The following AMBRA1 variants were observed in gnomAD, a reference collection of about 807,000 sequenced individuals.
The protein encoded by AMBRA1 is activating molecule in BECN1-regulated autophagy protein 1.
In AMBRA1, 47 loss-of-function variants were observed where a neutral mutation model predicts 125.4. The observed-to-expected ratio is 0.37, with a 90% CI of 0.30 to 0.48. AMBRA1 has a LOEUF of 0.48. AMBRA1 is among the 20% of genes least tolerant of loss of function. AMBRA1 has a pLI of 0.99. For missense variants in AMBRA1, 1,331 were observed against 1,693.4 expected (o/e 0.79, Z 3.76); for synonymous variants, 626 against 655.5 (o/e 0.95, Z 0.69).
chr11:46,514,971 C>A (rs1951413322), intron 7 of AMBRA1, among the ~76,000 whole-genome samples: 1 of 152,152 alleles, frequency 6.6e-6, no homozygotes, highest in Non-Finnish European at 1.5e-5. Flanking sequence ...TATCATTTAA[C>A]AAACCAGTTC....
intron 7 of AMBRA1, 112 bp downstream of exon 7, chr11:46,541,833 C>A: frequency 7.2e-7 from 1 of 1,388,356 alleles, no homozygotes; most frequent in South Asian, 1.3e-5. Flanking sequence ...AGATCAGAAG[C>A]AGATGCGTGG....
At chr11:46,412,725 T>C (rs764785641) in intron 15 of AMBRA1, among the ~76,000 whole-genome samples, 3 of 152,188 alleles carry the variant, frequency 2.0e-5, no homozygotes, top group Non-Finnish European at 4.4e-5. Context: ...CAGCCATTTT[T>C]GTGGGGTTTG....
intron 7 of AMBRA1, among the ~76,000 whole-genome samples, chr11:46,523,389 C>T (rs923116842): frequency 1.3e-5 from 2 of 152,158 alleles, no homozygotes; most frequent in African/African-American, 4.8e-5. Flanking sequence ...TCATAAACGA[C>T]ACCTAAAGTA....
At chr11:46,401,449 C>G (rs1945755497) in intron 17 of AMBRA1, among the ~76,000 whole-genome samples, 1 of 152,184 alleles carries the variant, frequency 6.6e-6, no homozygotes, top group Non-Finnish European at 1.5e-5. Flanking sequence ...TCATGCTGGC[C>G]AGGCTGGTAT....
At chr11:46,513,639 C>A (rs902142560) in intron 7 of AMBRA1, among the ~76,000 whole-genome samples, 3 of 152,126 alleles carry the variant, frequency 2.0e-5, no homozygotes, top group Non-Finnish European at 2.9e-5. Flanking sequence ...TGTCTTAACT[C>A]CAAAATGCCT....
chr11:46,586,980 G>A (rs992261479), intron 1 of AMBRA1, among the ~76,000 whole-genome samples: 3 of 152,154 alleles, frequency 2.0e-5, no homozygotes, highest in Non-Finnish European at 4.4e-5. Context: ...CAAAATTTCA[G>A]ATGCTTCATT....
At chr11:46,518,961 C>T (rs1177772586) in intron 7 of AMBRA1, among the ~76,000 whole-genome samples, 2 of 152,228 alleles carry the variant, frequency 1.3e-5, no homozygotes, top group East Asian at 3.9e-4. Flanking sequence ...TCAAAGAAAG[C>T]TCTGGAAAAG....
intron 11 of AMBRA1, among the ~76,000 whole-genome samples, chr11:46,474,677 G>T (rs1196057733): frequency 2.0e-5 from 3 of 152,108 alleles, no homozygotes; most frequent in Non-Finnish European, 4.4e-5. Flanking sequence ...CGTAAGCCAC[G>T]GCACCTGGCC....
intron 7 of AMBRA1, among the ~76,000 whole-genome samples, chr11:46,541,517 C>T (rs1164386464): frequency 1.3e-5 from 2 of 152,064 alleles, no homozygotes; most frequent in African/African-American, 4.8e-5. Flanking sequence ...ATACAATCAG[C>T]GAAGAGCCAA....
chr11:46,593,903 G>A lies in AMBRA1; in HGVS notation c.-196C>T, dbSNP rs987432828. On this transcript the variant is annotated 5_prime_UTR_variant, in exon 1 of 18. Transcript: ENST00000683756. ...ACAGGGAAAAAGAAAGAGGAGACAG[G>A]AATAAAGGAAGGGGTCCGTTCTACC... 2.5e-5 allele frequency: 10 copies of A among 398,438 alleles called. No homozygotes were observed. Among genetic ancestry groups the A allele is most frequent in the Non-Finnish European group, 4.0e-5 (9 of 226,126 alleles). 24.7% of individuals were successfully genotyped at this position (398,438 alleles called of 1,614,324 possible). A position where few individuals can be genotyped will look rare whatever the true frequency, so the allele number is the denominator to read the frequency against.
At chr11:46,426,808 G>A (rs1315552627) in intron 14 of AMBRA1, among the ~76,000 whole-genome samples, 2 of 152,124 alleles carry the variant, frequency 1.3e-5, no homozygotes, top group African/African-American at 4.8e-5. Context: ...AAATTAATGA[G>A]GACAAAATTT....
At chr11:46,516,860 A>T (rs1169802469) in intron 7 of AMBRA1, among the ~76,000 whole-genome samples, 3 of 152,108 alleles carry the variant, frequency 2.0e-5, no homozygotes, top group Non-Finnish European at 4.4e-5. Flanking sequence ...ACTTGACTTA[A>T]TCTATCACAA....
At chr11:46,544,284 G>A (rs945111147) in intron 5 of AMBRA1, among the ~76,000 whole-genome samples, 4 of 152,176 alleles carry the variant, frequency 2.6e-5, no homozygotes, top group South Asian at 2.1e-4. Flanking sequence ...ACCTAGAGTT[G>A]CCATCCCAGG....
intron 9 of AMBRA1, chr11:46,504,794 T>A (rs1161376048): frequency 2.6e-5 from 4 of 152,190 alleles, no homozygotes; most frequent in Non-Finnish European, 5.9e-5. Flanking sequence ...AAAATGGTGG[T>A]ACATCATTTT....
At chr11:46,545,963 T>C (rs771081799) in intron 4 of AMBRA1, 187 bp from the exon 5 acceptor site, 8 of 567,644 alleles carry the variant, frequency 1.4e-5, no homozygotes, top group African/African-American at 1.1e-4. Context: ...ATAAATACTA[T>C]ACAATCAGTT....
chr11:46,402,518 CA>C (rs1945813832), intron 17 of AMBRA1, among the ~76,000 whole-genome samples: 1 of 152,114 alleles, frequency 6.6e-6, no homozygotes, highest in African/African-American at 2.4e-5. Flanking sequence ...TGCACCACCA[CA>C]CTTAGCTAAT....
chr11:46,513,584 G>A (rs2135057999), intron 7 of AMBRA1, among the ~76,000 whole-genome samples: 1 of 152,252 alleles, frequency 6.6e-6, no homozygotes, highest in South Asian at 2.1e-4. Context: ...ATCACTCTGT[G>A]GCACATAACT....
intron 11 of AMBRA1, among the ~76,000 whole-genome samples, chr11:46,451,398 A>G (rs957001932): frequency 6.6e-6 from 1 of 152,170 alleles, no homozygotes; most frequent in Non-Finnish European, 1.5e-5. Flanking sequence ...GCCTCTGTGC[A>G]TCTCTCTACC....
At chr11:46,520,787 A>G (rs929422585) in intron 7 of AMBRA1, among the ~76,000 whole-genome samples, 1 of 138,024 alleles carries the variant, frequency 7.2e-6, no homozygotes, top group African/African-American at 2.7e-5. Context: ...TTTTTTTTTT[A>G]GTAGAGACGG....
Sources: gnomAD v4.1 joint callset for allele counts (sites outside exome capture counted in the v4.1 genomes callset) on GRCh38, gnomAD v4.1.1 for gene constraint, MANE v1.5 for transcripts, NCBI Gene and HGNC (gene_info 2026-07-23, HGNC 2026-07-21) for gene names.